PHLPP1: variants seen among roughly 807,000 people sequenced by gnomAD.
PHLPP1 encodes the protein PH domain leucine-rich repeat-containing protein phosphatase 1.
Under a neutral mutation model 117.2 loss-of-function variants are expected in PHLPP1, and 42 were observed. The observed-to-expected ratio is 0.36, with a 90% CI of 0.28 to 0.46. The LOEUF is 0.46. Ranked by LOEUF, PHLPP1 falls within the 20% of genes least tolerant of loss-of-function variation. PHLPP1 has a pLI of 1.00. For missense variants in PHLPP1, 2,084 were observed against 2,241.9 expected (o/e 0.93, Z 1.42); for synonymous variants, 1,042 against 970.7 (o/e 1.07, Z -1.37).
chr18:62,941,157 A>AAC (rs1412799830), intron 10 of PHLPP1, among the ~76,000 whole-genome samples: 3 of 152,246 alleles, frequency 2.0e-5, no homozygotes, highest in Admixed American at 2.0e-4. Flanking sequence ...GAAAGCCAGT[A>AAC]AAATGTGCTT....
chr18:62,962,338 G>A (rs778237523), intron 13 of PHLPP1, among the ~76,000 whole-genome samples: 3 of 151,878 alleles, frequency 2.0e-5, no homozygotes, highest in African/African-American at 7.3e-5. Context: ...ACAGAGTTTC[G>A]CTCTTGTTGC....
chr18:62,744,995 C>A (rs759508860), intron 1 of PHLPP1, among the ~76,000 whole-genome samples: 1 of 152,290 alleles, frequency 6.6e-6, no homozygotes, highest in Admixed American at 6.5e-5. Context: ...ATAGAGCCCA[C>A]AAACTTGAAG....
chr18:62,889,279 A>G (rs2144392510), intron 4 of PHLPP1, among the ~76,000 whole-genome samples: 1 of 152,284 alleles, frequency 6.6e-6, no homozygotes, highest in East Asian at 1.9e-4. Context: ...AAGGAGCAAG[A>G]CTTTGAGGAT....
At chr18:62,780,890 C>T (rs1913100149) in intron 1 of PHLPP1, among the ~76,000 whole-genome samples, 1 of 152,220 alleles carries the variant, frequency 6.6e-6, no homozygotes, top group South Asian at 2.1e-4. Flanking sequence ...TCCTCTCCAG[C>T]TTCTTGGTTA....
At chr18:62,958,200 G>A (rs1414644727) in intron 12 of PHLPP1, among the ~76,000 whole-genome samples, 3 of 152,212 alleles carry the variant, frequency 2.0e-5, no homozygotes, top group Non-Finnish European at 4.4e-5. Context: ...GGGATTATAA[G>A]CGTGAGCCTC....
intron 1 of PHLPP1, among the ~76,000 whole-genome samples, chr18:62,725,389 A>G (rs939516522): frequency 6.6e-6 from 1 of 151,682 alleles, no homozygotes; most frequent in South Asian, 2.1e-4. Context: ...AAATAAAAAA[A>G]TAAATATGTA....
chr18:62,803,320 A>G (rs1009239611), intron 1 of PHLPP1, among the ~76,000 whole-genome samples: 1 of 152,164 alleles, frequency 6.6e-6, no homozygotes, highest in African/African-American at 2.4e-5. Context: ...AGTGGTTACT[A>G]CTGAGCTCAA....
chr18:62,930,114 G>A (rs1909762360), intron 10 of PHLPP1, among the ~76,000 whole-genome samples: 1 of 151,952 alleles, frequency 6.6e-6, no homozygotes, highest in Non-Finnish European at 1.5e-5. Flanking sequence ...AAATCCAAGG[G>A]GATAAGGTCA....
intron 8 of PHLPP1, among the ~76,000 whole-genome samples, chr18:62,912,197 A>G (rs2144414955): frequency 6.7e-6 from 1 of 148,724 alleles, no homozygotes; most frequent in South Asian, 2.2e-4. Context: ...GATATACCTA[A>G]TGCTAGATGA....
chr18:62,929,681 C>T (rs1909749967), intron 10 of PHLPP1, among the ~76,000 whole-genome samples: 1 of 152,200 alleles, frequency 6.6e-6, no homozygotes, highest in Non-Finnish European at 1.5e-5. Flanking sequence ...GGAGTGGTGG[C>T]TCATGCGTGT....
At chr18:62,913,100 A>G (rs1917003559) in intron 8 of PHLPP1, among the ~76,000 whole-genome samples, 2 of 152,208 alleles carry the variant, frequency 1.3e-5, no homozygotes, top group Admixed American at 6.5e-5. Flanking sequence ...TCTCATGCCC[A>G]GAATCTTCAC....
intron 3 of PHLPP1, 109 bp from the exon 4 acceptor site, chr18:62,860,326 C>T (rs1915600617): frequency 1.1e-6 from 1 of 885,506 alleles, no homozygotes; most frequent in Admixed American, 2.3e-5. Flanking sequence ...ACTAACAGTG[C>T]TACTTTCATA....
intron 1 of PHLPP1, among the ~76,000 whole-genome samples, chr18:62,767,555 T>A (rs1912589731): frequency 6.6e-6 from 1 of 152,242 alleles, no homozygotes; most frequent in African/African-American, 2.4e-5. Context: ...ATGAAATGAT[T>A]GAACAGTTTG....
At chr18:62,949,413 G>T (rs552339962) in intron 12 of PHLPP1, among the ~76,000 whole-genome samples, 1 of 152,204 alleles carries the variant, frequency 6.6e-6, no homozygotes, top group South Asian at 2.1e-4. Context: ...CAGACTATTT[G>T]CACCATCTAA....
intron 12 of PHLPP1, among the ~76,000 whole-genome samples, chr18:62,947,199 G>GTA (rs1190781109): frequency 2.0e-5 from 3 of 152,150 alleles, no homozygotes; most frequent in African/African-American, 7.2e-5. Context: ...CTGTTTCCTC[G>GTA]TATGTTAAAG....
At chr18:62,815,839 A>T (rs987490036) in intron 1 of PHLPP1, among the ~76,000 whole-genome samples, 3 of 152,250 alleles carry the variant, frequency 2.0e-5, no homozygotes, top group African/African-American at 7.2e-5. Context: ...CTTAAACTTT[A>T]AATTTGTGCT....
At position 62,716,461 on chromosome 18, in the gene PHLPP1, C is replaced by G; in HGVS notation, c.778C>G (p.Pro260Ala). 7.9e-7 allele frequency: 1 copy of G among 1,260,320 alleles called. No individual in the cohort carries two copies. The highest frequency in any genetic ancestry group is 1.6e-5 in the African/African-American group (1 of 64,252). 78.1% of individuals were successfully genotyped at this position (1,260,320 alleles called of 1,614,324 possible). ...GCCCGGAGCCGCCGCCGCCCGGGAG[C>G]CCGCTGAACCGCCCCCCGAGGCCGG... Reference protein sequence around the residue: ...QGPGAAAAREPAEPPPEAGPR... With the variant: ...QGPGAAAAREAAEPPPEAGPR... The change falls in exon 1 of 17, where the codon CCC becomes GCC. Residue 260 changes from proline (P) to alanine (A), a missense_variant. Transcript: ENST00000262719. This position sits in a 1 kb window ranked among gnomAD's most constrained non-coding sequence, Gnocchi z 5.7.
intron 2 of PHLPP1, among the ~76,000 whole-genome samples, chr18:62,834,809 A>G (rs949409791): frequency 1.3e-5 from 2 of 152,130 alleles, no homozygotes; most frequent in Non-Finnish European, 2.9e-5. Context: ...TATTCCCAGA[A>G]GTTTCCTCGT....
At chr18:62,874,432 C>G (rs776576161) in intron 4 of PHLPP1, among the ~76,000 whole-genome samples, 3 of 152,076 alleles carry the variant, frequency 2.0e-5, no homozygotes, top group Non-Finnish European at 4.4e-5. Flanking sequence ...TCGCCTGACC[C>G]TGGGAGACAG....
Sources: allele counts gnomAD v4.1 joint callset (sites outside exome capture counted in the v4.1 genomes callset), GRCh38; gene constraint gnomAD v4.1.1; non-coding constraint Gnocchi (gnomAD v3.1); transcripts MANE v1.5; gene names NCBI Gene and HGNC (gene_info 2026-07-23, HGNC 2026-07-21).